Variants in ZNF385D observed in about 807,000 individuals in gnomAD.
The protein encoded by ZNF385D is zinc finger protein 659.
A neutral mutation model predicts 35.8 loss-of-function variants in ZNF385D; 15 were observed. The ratio of observed to expected loss-of-function variants is 0.42; its 90% CI spans 0.28 to 0.64. The LOEUF is 0.64. Ranked by LOEUF, ZNF385D falls within the 30% of genes least tolerant of loss-of-function variation. The pLI, the probability that ZNF385D is intolerant of heterozygous loss-of-function variation, is 0.23. For synonymous variants in ZNF385D, 212 were observed against 186.8 expected (o/e 1.13, Z -1.10); for missense variants, 474 against 494.6 (o/e 0.96, Z 0.39).
chr3:22,163,095 T>C (rs1455997856), intron 3 of ZNF385D, among the ~76,000 whole-genome samples: 2 of 152,122 alleles, frequency 1.3e-5, no homozygotes, highest in African/African-American at 4.8e-5. Flanking sequence ...ACTTTGTACC[T>C]CAGCATTGAC....
At chr3:22,005,974 TTCTC>T (rs1009652565) in intron 3 of ZNF385D, among the ~76,000 whole-genome samples, 10 of 151,648 alleles carry the variant, frequency 6.6e-5, no homozygotes, top group Middle Eastern at 6.8e-3. Flanking sequence ...TCTTCCCTCT[TTCTC>T]TCTCTCTCTC....
At chr3:21,857,463 G>A (rs543393529) in intron 3 of ZNF385D, among the ~76,000 whole-genome samples, 2 of 152,098 alleles carry the variant, frequency 1.3e-5, no homozygotes, top group South Asian at 2.1e-4. Flanking sequence ...CCTACAGGGA[G>A]TACACAGGGT....
chr3:21,713,339 T>C (rs2068188735), intron 1 of ZNF385D, among the ~76,000 whole-genome samples: 1 of 152,194 alleles, frequency 6.6e-6, no homozygotes, highest in East Asian at 1.9e-4. Flanking sequence ...GCAATCTTCT[T>C]CAATGATGTT....
chr3:21,525,201 T>C (rs1708150263), intron 3 of ZNF385D, among the ~76,000 whole-genome samples: 1 of 152,216 alleles, frequency 6.6e-6, no homozygotes, highest in African/African-American at 2.4e-5. Flanking sequence ...GTGAGATTTC[T>C]AAAATTCTAC....
At chr3:21,923,133 A>C (rs1051905752) in intron 3 of ZNF385D, among the ~76,000 whole-genome samples, 2 of 152,146 alleles carry the variant, frequency 1.3e-5, no homozygotes, top group African/African-American at 4.8e-5. Flanking sequence ...TGCTACACCC[A>C]TTAACTCGTG....
intron 4 of ZNF385D, among the ~76,000 whole-genome samples, chr3:21,454,518 A>G (rs1702660069): frequency 6.6e-6 from 1 of 152,048 alleles, no homozygotes; most frequent in African/African-American, 2.4e-5. Context: ...TCCTTCAAGC[A>G]TTCCAAGCAT....
At chr3:21,707,354 A>C (rs2067944063) in intron 1 of ZNF385D, among the ~76,000 whole-genome samples, 2 of 152,202 alleles carry the variant, frequency 1.3e-5, no homozygotes, top group Admixed American at 1.3e-4. Context: ...GTAGGAAGTC[A>C]AGCTTTCATT....
intron 4 of ZNF385D, among the ~76,000 whole-genome samples, chr3:21,442,487 CCAAAAA>C (rs573149639): frequency 1.3e-3 from 201 of 152,082 alleles, no homozygotes; most frequent in Non-Finnish European, 2.4e-3. Flanking sequence ...GTGCTTCTGA[CCAAAAA>C]CAAAAACAAA....
intron 4 of ZNF385D, among the ~76,000 whole-genome samples, chr3:21,495,380 A>G (rs1020002983): frequency 2.0e-5 from 3 of 152,204 alleles, no homozygotes; most frequent in Non-Finnish European, 4.4e-5. Flanking sequence ...CAATGAAAAT[A>G]GAAATCAATC....
intron 2 of ZNF385D, among the ~76,000 whole-genome samples, chr3:22,341,847 ATAACT>A (rs1362465056): frequency 6.6e-6 from 1 of 152,210 alleles, no homozygotes; most frequent in Non-Finnish European, 1.5e-5. Flanking sequence ...TTTCTTGTAA[ATAACT>A]TATATTAATG....
chr3:22,111,599 G>A (rs904851925), intron 3 of ZNF385D, among the ~76,000 whole-genome samples: 3 of 152,102 alleles, frequency 2.0e-5, no homozygotes, highest in African/African-American at 7.2e-5. Flanking sequence ...TTCAACCATT[G>A]CTGATTCCCT....
At chr3:21,458,695 C>G (rs1365980092) in intron 4 of ZNF385D, among the ~76,000 whole-genome samples, 1 of 151,722 alleles carries the variant, frequency 6.6e-6, no homozygotes, top group African/African-American at 2.4e-5. Context: ...AAATCGGCCA[C>G]AAAATACCAG....
rs915645212 is a variant in ZNF385D at position 21,785,136 on chromosome 3, C to A, written c.326-120108G>T. ...GACTTGTGAAAATGGAGGATAAAAG[C>A]TTTTTAATAATTTGCCCCCAAATCA... On this transcript the variant is annotated intron_variant, in intron 3 of 5. Transcript: ENST00000494108. 3.3e-5 allele frequency among the ~76,000 whole-genome samples: 5 copies of A among 152,030 alleles called. No individual in the cohort carries two copies. In the South Asian group the frequency reaches 1.0e-3, roughly 31 times the overall value.
chr3:21,764,649 G>A (rs1169201119), intron 3 of ZNF385D, among the ~76,000 whole-genome samples: 1 of 152,098 alleles, frequency 6.6e-6, no homozygotes, highest in Non-Finnish European at 1.5e-5. Context: ...TAGCTGTCAT[G>A]GAAGCTGAGC....
At chr3:22,123,504 A>C (rs1703221507) in intron 3 of ZNF385D, among the ~76,000 whole-genome samples, 1 of 152,184 alleles carries the variant, frequency 6.6e-6, no homozygotes. Flanking sequence ...TCTTTGTTAC[A>C]AACTTTCCAA....
chr3:22,363,975 C>A (rs1029548066), intron 2 of ZNF385D, among the ~76,000 whole-genome samples: 6 of 152,226 alleles, frequency 3.9e-5, no homozygotes, highest in African/African-American at 1.4e-4. Context: ...TATGAGTTAG[C>A]TTTGCTTAAT....
chr3:22,038,816 G>A (rs925292794), intron 3 of ZNF385D, among the ~76,000 whole-genome samples: 1 of 151,414 alleles, frequency 6.6e-6, no homozygotes, highest in Non-Finnish European at 1.5e-5. Context: ...TTTTTAAAAT[G>A]TGCACTGAAG....
At chr3:21,443,982 A>G (rs865967330) in intron 4 of ZNF385D, among the ~76,000 whole-genome samples, 1 of 152,158 alleles carries the variant, frequency 6.6e-6, no homozygotes, top group Non-Finnish European at 1.5e-5. Flanking sequence ...ACTATGTGCT[A>G]CATGTATTAC....
At chr3:21,549,169 A>G (rs530339390) in intron 3 of ZNF385D, among the ~76,000 whole-genome samples, 1 of 152,322 alleles carries the variant, frequency 6.6e-6, no homozygotes, top group East Asian at 1.9e-4. Flanking sequence ...AAACCCAGAT[A>G]AATACAAACT....
Sources: allele counts gnomAD v4.1 joint callset (sites outside exome capture counted in the v4.1 genomes callset), GRCh38; gene constraint gnomAD v4.1.1; transcripts MANE v1.5; gene names NCBI Gene and HGNC (gene_info 2026-07-23, HGNC 2026-07-21).